The following C2CD3 variants were observed in gnomAD, a reference collection of about 807,000 sequenced individuals.
The protein encoded by C2CD3 is C2 domain containing 3 centriole elongation regulator, also known as C2 domain-containing protein 3.
Under a neutral mutation model 234.0 loss-of-function variants are expected in C2CD3, and 148 were observed. The ratio of observed to expected loss-of-function variants is 0.63; its 90% CI spans 0.55 to 0.72. The LOEUF (loss-of-function observed/expected upper bound fraction) is 0.72. C2CD3 is among the 30% of genes least tolerant of loss of function. C2CD3 has a pLI of 0.00. For synonymous variants in C2CD3, 1,000 were observed against 1,035.4 expected, an observed-to-expected ratio of 0.97 and a Z score of 0.66; for missense variants, 2,577 against 2,811.5, an observed-to-expected ratio of 0.92 and a Z score of 1.89.
chr11:74,161,664 A>G (rs1856479790), intron 2 of C2CD3, 108 bp from the exon 3 acceptor site: 6 of 627,524 alleles, frequency 9.6e-6, no homozygotes, highest in South Asian at 9.5e-5. Flanking sequence ...TTGAAAAAAA[A>G]TATTTTATGT....
Position 74,037,574 on chromosome 11 carries a change from G to A in C2CD3, c.5785C>T (p.His1929Tyr). Reference sequence around the variant, plus strand: ...AGGCTGCTGGCACCTGGCCCAAGATGGTCCCTACAGCTCTCCTGGTGCTGT... The same window carrying A: ...AGGCTGCTGGCACCTGGCCCAAGATAGTCCCTACAGCTCTCCTGGTGCTGT... ...ISQHQESCRD[H>Y]LGPGASSLDP... Residue 1929 changes from histidine (H) to tyrosine (Y), a missense_variant, in exon 30 of 33, where the codon CAT becomes TAT. Coordinates refer to ENST00000334126, the MANE Select transcript of C2CD3 (RefSeq NM_001286577.2). The A allele has an allele frequency of 6.2e-7, 1 of 1,614,104 alleles. No homozygotes were observed. Among genetic ancestry groups the A allele is most frequent in the African/African-American group, 1.3e-5 (1 of 75,014 alleles).
chr11:74,100,549 A>AG lies in C2CD3; in HGVS notation c.2707dup (p.Leu903ProfsTer12). The AG allele has an allele frequency of 6.2e-7, 1 of 1,611,806 alleles. No homozygotes were observed. Among genetic ancestry groups the AG allele is most frequent in the Non-Finnish European group, 8.5e-7 (1 of 1,179,384 alleles). ...CTTGAATGACATGTAAAACTGGTGG[A>AG]GGGGAAGTTTCACCAGCCCGAGCAG... On this transcript the variant is annotated frameshift_variant, in exon 15 of 33. Coordinates refer to ENST00000334126, the MANE Select transcript of C2CD3 (RefSeq NM_001286577.2). LOFTEE classifies it high-confidence loss of function.
chr11:74,046,670 T>A (rs1443205514), intron 28 of C2CD3, among the ~76,000 whole-genome samples: 1 of 152,174 alleles, frequency 6.6e-6, no homozygotes, highest in Admixed American at 6.5e-5. Context: ...CTCAGCATAA[T>A]TATTTTTATA....
chr11:74,085,023 G>C (rs1955577585), intron 21 of C2CD3, 53 bp from the exon 22 acceptor site: 1 of 1,021,080 alleles, frequency 9.8e-7, no homozygotes. Flanking sequence ...TCATCAAGGG[G>C]CTAGTTTACA....
rs1952813681 is a variant in C2CD3 at position 74,037,784 on chromosome 11, G to C, written c.5661-86C>G. The C allele has an allele frequency of 8.8e-6, 9 of 1,023,666 alleles. No homozygotes were observed. The South Asian group carries it at 9.7e-5, about 11-fold the overall frequency. 63.4% of individuals were successfully genotyped at this position (1,023,666 alleles called of 1,614,324 possible). On this transcript the variant is annotated intron_variant, in intron 29 of 32. Transcript: ENST00000334126. The stretch of plus-strand genomic sequence containing the variant: ...TTATGTCCCCTGGACACTACCGCTT[G>C]AGCCAAAGCCTTAATACCTCTCACT...
chr11:74,138,783 T>C lies in C2CD3; in HGVS notation c.892A>G (p.Lys298Glu). The C allele has an allele frequency of 6.2e-7, 1 of 1,613,210 alleles. No homozygotes were observed. Among genetic ancestry groups the C allele is most frequent in the Non-Finnish European group, 8.5e-7 (1 of 1,179,122 alleles). ...EFQPQIRTVA[K>E]SHSDSCILSS... ...AGAATGCATGAGTCACTGTGACTCT[T>C]GGCAACTGTTCTAATTTGAGGCTGG... Residue 298 changes from lysine to glutamate, a missense_variant, in exon 5 of 33, where the codon AAG (lysine) becomes GAG (glutamate). Transcript: ENST00000334126.
intron 8 of C2CD3, among the ~76,000 whole-genome samples, chr11:74,120,402 C>G (rs943150463): frequency 6.6e-5 from 10 of 152,238 alleles, no homozygotes; most frequent in Non-Finnish European, 1.2e-4. Flanking sequence ...CTTGTGATAG[C>G]TTGCTCAGAA....
chr11:74,166,179 G>C (rs1048753405), intron 2 of C2CD3, among the ~76,000 whole-genome samples: 1 of 151,794 alleles, frequency 6.6e-6, no homozygotes, highest in Non-Finnish European at 1.5e-5. Context: ...GTGTCGTGGC[G>C]GGCACCTGTA....
At chr11:74,162,117 A>G (rs1324752572) in intron 2 of C2CD3, among the ~76,000 whole-genome samples, 1 of 151,952 alleles carries the variant, frequency 6.6e-6, no homozygotes, top group African/African-American at 2.4e-5. Context: ...AGGCTAGCCT[A>G]CTCCTTAAAC....
In C2CD3 at chr11:74,106,359, A is replaced by AT. The variant is rs767507648; in HGVS notation, c.2085+11dup. 2.1e-5 allele frequency: 34 copies of AT among 1,613,412 alleles called. No homozygotes were observed. The highest frequency in any genetic ancestry group is 2.7e-5 in the Non-Finnish European group (32 of 1,179,734). ...CAAATACTTCTGACTTCCTGAATGT[A>AT]TATCTACATACCTTGAGGGGGCCAA... On this transcript the variant is annotated intron_variant, in intron 13 of 32. Coordinates refer to ENST00000334126, the MANE Select transcript of C2CD3 (RefSeq NM_001286577.2).
intron 28 of C2CD3, among the ~76,000 whole-genome samples, chr11:74,047,719 T>C (rs970265711): frequency 5.9e-5 from 9 of 152,280 alleles, no homozygotes; most frequent in African/African-American, 2.2e-4. Context: ...CAGATGGTTC[T>C]AGGGCCTGTA....
chr11:74,113,665 G>A (rs1956823629), intron 11 of C2CD3, 115 bp downstream of exon 11: 1 of 733,346 alleles, frequency 1.4e-6, no homozygotes, highest in Admixed American at 1.9e-5. Flanking sequence ...GGGCGAAAGA[G>A]TGAGACTCCA....
At chr11:74,061,152 G>A (rs778150056) in intron 24 of C2CD3, among the ~76,000 whole-genome samples, 2 of 152,198 alleles carry the variant, frequency 1.3e-5, no homozygotes, top group Non-Finnish European at 2.9e-5. Context: ...ACATCTGACT[G>A]CTGTACCTGA....
At chr11:74,115,056 T>C (rs1371926268) in intron 9 of C2CD3, among the ~76,000 whole-genome samples, 1 of 151,898 alleles carries the variant, frequency 6.6e-6, no homozygotes, top group East Asian at 1.9e-4. Context: ...ATTATCAGAA[T>C]TCTGGTCCTA....
chr11:74,075,755 A>G (rs1003289496), intron 23 of C2CD3, among the ~76,000 whole-genome samples: 6 of 152,232 alleles, frequency 3.9e-5, no homozygotes, highest in African/African-American at 1.4e-4. Flanking sequence ...AAATAAGGGC[A>G]GGTCATTACA....
intron 9 of C2CD3, among the ~76,000 whole-genome samples, chr11:74,116,901 CACGTGTATGTATATATACATAT>C (rs1956965817): frequency 9.1e-6 from 1 of 110,412 alleles, no homozygotes; most frequent in African/African-American, 3.5e-5. Context: ...TATATATACA[CACGTGTATGTATATATACATAT>C]ACACGTGTAT....
chr11:74,066,028 C>T (rs1303312678), intron 24 of C2CD3, among the ~76,000 whole-genome samples: 4 of 149,622 alleles, frequency 2.7e-5, no homozygotes, highest in Admixed American at 6.7e-5. Context: ...CAAACCTGCA[C>T]GTTGTGCACA....
chr11:74,086,378 T>TAG (rs1955643661), intron 20 of C2CD3, among the ~76,000 whole-genome samples: 1 of 152,248 alleles, frequency 6.6e-6, no homozygotes, highest in Admixed American at 6.5e-5. Flanking sequence ...GAGGGAATAC[T>TAG]AGAGTAAAGC....
chr11:74,031,854 G>A (rs1952532442), intron 31 of C2CD3, among the ~76,000 whole-genome samples: 1 of 152,166 alleles, frequency 6.6e-6, no homozygotes. Flanking sequence ...TCCAGGATGG[G>A]CAAGGCCAGG....
Sources: allele counts gnomAD v4.1 joint callset (sites outside exome capture counted in the v4.1 genomes callset), GRCh38; gene constraint gnomAD v4.1.1; transcripts MANE v1.5; gene names NCBI Gene and HGNC (gene_info 2026-07-23, HGNC 2026-07-21).